The following MDGA2 variants were observed in gnomAD, a reference collection of about 807,000 sequenced individuals.
MDGA2 encodes the protein MAM domain containing glycosylphosphatidylinositol anchor 2.
A neutral mutation model predicts 117.8 loss-of-function variants in MDGA2; 40 were observed. The observed-to-expected ratio is 0.34, with a 90% CI of 0.26 to 0.44. The LOEUF (loss-of-function observed/expected upper bound fraction) is 0.44, where lower values mean the gene tolerates loss of function less well. Among genes scored for constraint, MDGA2 ranks in the 20% least tolerant of loss-of-function variants. The pLI is 1.00. For missense variants in MDGA2, 1,123 were observed against 1,250.6 expected, an observed-to-expected ratio of 0.90 and a Z score of 1.54; for synonymous variants, 452 against 439.0, an observed-to-expected ratio of 1.03 and a Z score of -0.37.
intron 2 of MDGA2, among the ~76,000 whole-genome samples, chr14:47,274,512 G>GTAC (rs950227693): frequency 6.6e-6 from 1 of 151,854 alleles, no homozygotes; most frequent in Non-Finnish European, 1.5e-5. Context: ...CCACTTTTTG[G>GTAC]TACTATGAGC....
intron 8 of MDGA2, 21 bp from the exon 9 acceptor site, chr14:46,957,664 A>T: frequency 6.2e-7 from 1 of 1,612,354 alleles, no homozygotes; most frequent in Non-Finnish European, 8.5e-7. Flanking sequence ...GATATGTAAA[A>T]ACAGATGAAA....
intron 15 of MDGA2, among the ~76,000 whole-genome samples, chr14:46,850,408 C>T (rs1377493919): frequency 6.6e-6 from 1 of 151,802 alleles, no homozygotes; most frequent in East Asian, 1.9e-4. Context: ...GATTTGCCTT[C>T]ATTGTTAATG....
rs10627834 is a variant in MDGA2 at position 47,494,876 on chromosome 14, T to TTATATATATATA, written c.280+179629_280+179640dup. The stretch of plus-strand genomic sequence containing the variant: ...CTGTTGACTGAATTTTAAAATGTGA[T>TTATATATATATA]TATATATATATATATATGTAAAATA... On this transcript the variant is annotated intron_variant, in intron 1 of 16. Transcript: ENST00000399232. Among the ~76,000 whole-genome samples, 475 of 141,012 alleles carry TTATATATATATA rather than the reference T, an allele frequency of 3.4e-3. 4 individuals carry two copies. Among genetic ancestry groups the TTATATATATATA allele is most frequent in the Non-Finnish European group, 5.4e-3 (360 of 66,526 alleles). 92.5% of individuals were successfully genotyped at this position (141,012 alleles called of 152,430 possible).
At chr14:47,481,254 A>G (rs1488972301) in intron 1 of MDGA2, among the ~76,000 whole-genome samples, 1 of 152,026 alleles carries the variant, frequency 6.6e-6, no homozygotes, top group African/African-American at 2.4e-5. Context: ...ATTTCCAGAG[A>G]GGAAAAAAAT....
At position 46,972,122 on chromosome 14, in the gene MDGA2, T is replaced by C. The variant is rs185328688; in HGVS notation, c.1820-14479A>G. Among the ~76,000 whole-genome samples, 9 of 152,264 alleles carry C rather than the reference T, an allele frequency of 5.9e-5. No individual in the cohort carries two copies. In the East Asian group the frequency reaches 1.7e-3, roughly 29 times the overall value. On this transcript the variant is annotated intron_variant, in intron 8 of 16. Coordinates refer to ENST00000399232, the MANE Select transcript of MDGA2 (RefSeq NM_001113498.3). ...AGTATGGATGGCAAACAGGGATTTG[T>C]AACTGGCATTTGAAATGGGGCCAAT...
At chr14:47,343,280 C>A (rs1341080689) in intron 1 of MDGA2, 2 of 1,129,472 alleles carry the variant, frequency 1.8e-6, no homozygotes, top group Non-Finnish European at 2.2e-6. Flanking sequence ...ATCAGGAAGG[C>A]AATGTTAACT....
At position 47,147,685 on chromosome 14, in the gene MDGA2, A is replaced by G. The variant is rs76829581; in HGVS notation, c.596-3411T>C. Among the ~76,000 whole-genome samples, 71 of 152,320 alleles carry G rather than the reference A, an allele frequency of 4.7e-4. No individual in the cohort carries two copies. In the East Asian group the frequency reaches 0.013, roughly 29 times the overall value. ...TGCTTCAGTTCTGGGGAAGGGATCT[A>G]ACTGGTGCACTGCAGTATCCAGTCA... On this transcript the variant is annotated intron_variant, in intron 3 of 16. Transcript: ENST00000399232.
chr14:47,244,984 G>A (rs906658143), intron 2 of MDGA2, among the ~76,000 whole-genome samples: 1 of 151,230 alleles, frequency 6.6e-6, no homozygotes, highest in Non-Finnish European at 1.5e-5. Context: ...TAAATAGTAA[G>A]GATATTTTCT....
At chr14:46,844,769 C>A (rs1463547579) in intron 16 of MDGA2, among the ~76,000 whole-genome samples, 3 of 152,124 alleles carry the variant, frequency 2.0e-5, no homozygotes, top group Non-Finnish European at 4.4e-5. Context: ...TCCGCATAAT[C>A]CCCATGTTTC....
At chr14:47,053,268 T>A (rs1889521237) in intron 7 of MDGA2, among the ~76,000 whole-genome samples, 1 of 151,842 alleles carries the variant, frequency 6.6e-6, no homozygotes, top group African/African-American at 2.4e-5. Context: ...TCTTCTTGGG[T>A]GAGCCCATCT....
intron 1 of MDGA2, among the ~76,000 whole-genome samples, chr14:47,566,189 C>T (rs1459717006): frequency 6.6e-6 from 1 of 152,086 alleles, no homozygotes; most frequent in Non-Finnish European, 1.5e-5. Flanking sequence ...CATGTGTAGG[C>T]TGGTGTGTGT....
At chr14:46,986,662 C>A (rs1886870164) in intron 8 of MDGA2, among the ~76,000 whole-genome samples, 1 of 152,060 alleles carries the variant, frequency 6.6e-6, no homozygotes, top group African/African-American at 2.4e-5. Context: ...AAATCAACTA[C>A]CCAAAAGACA....
At chr14:46,923,528 T>TA (rs1359237380) in intron 9 of MDGA2, among the ~76,000 whole-genome samples, 4 of 152,060 alleles carry the variant, frequency 2.6e-5, no homozygotes, top group African/African-American at 9.7e-5. Flanking sequence ...GAATTAAAGG[T>TA]AAAAAACGTT....
chr14:47,434,169 T>C (rs1892853169), intron 1 of MDGA2, among the ~76,000 whole-genome samples: 2 of 152,114 alleles, frequency 1.3e-5, no homozygotes, highest in Non-Finnish European at 2.9e-5. Flanking sequence ...AATTATTGAA[T>C]AGGTGCCCTT....
intron 8 of MDGA2, among the ~76,000 whole-genome samples, chr14:46,974,251 C>T (rs1401339088): frequency 6.6e-6 from 1 of 152,044 alleles, no homozygotes; most frequent in East Asian, 1.9e-4. Context: ...AAATACATCA[C>T]ATATTCATTA....
chr14:47,098,905 A>G (rs569946743), intron 5 of MDGA2, among the ~76,000 whole-genome samples: 8 of 152,072 alleles, frequency 5.3e-5, no homozygotes, highest in Non-Finnish European at 7.4e-5. Context: ...TTTCTATTAG[A>G]TATTATTTAA....
chr14:47,430,648 A>G (rs992791539), intron 1 of MDGA2, among the ~76,000 whole-genome samples: 11 of 152,164 alleles, frequency 7.2e-5, no homozygotes, highest in African/African-American at 2.7e-4. Context: ...TACCAATAAT[A>G]GAGCAGCTTA....
intron 3 of MDGA2, among the ~76,000 whole-genome samples, chr14:47,175,380 C>T (rs1328632960): frequency 1.3e-5 from 2 of 151,480 alleles, no homozygotes; most frequent in African/African-American, 2.4e-5. Context: ...CCTTGATGAA[C>T]ATTGATGCAA....
Position 47,636,213 on chromosome 14 carries a change from C to T in MDGA2, c.280+38304G>A, listed in dbSNP as rs565139374. Among the ~76,000 whole-genome samples the T allele has an allele frequency of 2.4e-4, 36 of 152,256 alleles. No homozygotes were observed. In the South Asian group the frequency reaches 7.1e-3, roughly 30 times the overall value. ...CCCAGACTCAAAAACTCCTAAAACA[C>T]ATATATCTTCATAAGGTATAACTTG... is the stretch of plus-strand genomic sequence containing the variant. On this transcript the variant is annotated intron_variant, in intron 1 of 16. Transcript: ENST00000399232.
Sources: allele counts gnomAD v4.1 joint callset (sites outside exome capture counted in the v4.1 genomes callset), GRCh38; gene constraint gnomAD v4.1.1; transcripts MANE v1.5; gene names NCBI Gene and HGNC (gene_info 2026-07-23, HGNC 2026-07-21).